The following ZNF609 variants were observed in gnomAD, a reference collection of about 807,000 sequenced individuals.
The protein encoded by ZNF609 is zinc finger protein 609.
In ZNF609, 11 loss-of-function variants were observed where a neutral mutation model predicts 109.5. The observed-to-expected ratio is 0.10, with a 90% CI of 0.06 to 0.17. The LOEUF (loss-of-function observed/expected upper bound fraction) is 0.17, where lower values mean the gene tolerates loss of function less well. Among genes scored for constraint, ZNF609 ranks in the 10% least tolerant of loss-of-function variants. The pLI, the probability that ZNF609 is intolerant of heterozygous loss-of-function variation, is 1.00. For synonymous variants in ZNF609, 646 were observed against 662.0 expected (o/e 0.98, Z 0.37); for missense variants, 1,559 against 1,772.4 (o/e 0.88, Z 2.16).
chr15:64,563,483 A>T (rs1894716810), intron 2 of ZNF609, among the ~76,000 whole-genome samples: 1 of 151,996 alleles, frequency 6.6e-6, no homozygotes, highest in Admixed American at 6.6e-5. Flanking sequence ...ATAACTGAAA[A>T]TTTAAAAGAT....
chr15:64,545,279 A>G (rs1260181052), intron 2 of ZNF609, among the ~76,000 whole-genome samples: 2 of 151,682 alleles, frequency 1.3e-5, no homozygotes, highest in African/African-American at 2.4e-5. Context: ...GCTCATTGCA[A>G]CCTTCGTCTC....
chr15:64,482,005 GA>G (rs1030495317), intron 1 of ZNF609, among the ~76,000 whole-genome samples: 1 of 151,968 alleles, frequency 6.6e-6, no homozygotes, highest in Admixed American at 6.6e-5. Context: ...GGCTGGTCTC[GA>G]ACTCCTGACT....
intron 2 of ZNF609, among the ~76,000 whole-genome samples, chr15:64,517,216 A>C (rs1893826268): frequency 6.6e-6 from 1 of 152,124 alleles, no homozygotes; most frequent in Non-Finnish European, 1.5e-5. Context: ...TGTCTACTAA[A>C]AAATACAAAA....
chr15:64,500,317 G>C, intron 2 of ZNF609, 151 bp downstream of exon 2: 1 of 1,101,762 alleles, frequency 9.1e-7, no homozygotes, highest in Non-Finnish European at 1.3e-6. Flanking sequence ...TGATAATGTG[G>C]TTTTCTTCCA....
At chr15:64,630,790 CTTTT>C (rs1567034497) in intron 3 of ZNF609, among the ~76,000 whole-genome samples, 1 of 150,890 alleles carries the variant, frequency 6.6e-6, no homozygotes, top group Non-Finnish European at 1.5e-5. Context: ...CTTTTGTTTT[CTTTT>C]TTGTTTGTTT....
intron 3 of ZNF609, among the ~76,000 whole-genome samples, chr15:64,666,991 G>T (rs1394689234): frequency 6.6e-6 from 1 of 152,132 alleles, no homozygotes; most frequent in Non-Finnish European, 1.5e-5. Flanking sequence ...TTAGCCGGGT[G>T]TGGTGATGTG....
At chr15:64,680,899 T>C (rs767200404) in intron 8 of ZNF609, 37 bp downstream of exon 8, 2 of 1,597,300 alleles carry the variant, frequency 1.3e-6, no homozygotes, top group Non-Finnish European at 8.5e-7. Context: ...TGTTTTGTCT[T>C]GTTTTGTTTT....
At chr15:64,611,045 A>G (rs1953830696) in intron 2 of ZNF609, among the ~76,000 whole-genome samples, 1 of 152,140 alleles carries the variant, frequency 6.6e-6, no homozygotes, top group South Asian at 2.1e-4. Flanking sequence ...TTAAAGGTAA[A>G]AGAGTGGAGT....
intron 3 of ZNF609, among the ~76,000 whole-genome samples, chr15:64,626,625 G>A (rs1895967237): frequency 6.6e-6 from 1 of 152,180 alleles, no homozygotes; most frequent in Non-Finnish European, 1.5e-5. Context: ...CCACCTTGCT[G>A]AGAACAGGTA....
intron 1 of ZNF609, among the ~76,000 whole-genome samples, chr15:64,464,897 T>C (rs1468589709): frequency 6.6e-6 from 1 of 152,184 alleles, no homozygotes; most frequent in Non-Finnish European, 1.5e-5. Flanking sequence ...TGGTCTTCCG[T>C]GGGTTAGATT....
chr15:64,525,722 A>C (rs995471137), intron 2 of ZNF609, among the ~76,000 whole-genome samples: 2 of 151,830 alleles, frequency 1.3e-5, no homozygotes, highest in African/African-American at 2.4e-5. Flanking sequence ...CTTTCCATTT[A>C]TTTATAACTT....
intron 2 of ZNF609, among the ~76,000 whole-genome samples, chr15:64,520,513 C>T (rs1264896442): frequency 2.6e-5 from 4 of 151,976 alleles, no homozygotes; most frequent in Non-Finnish European, 5.9e-5. Context: ...AGTAGAAAAC[C>T]AAAGGCAGTT....
intron 4 of ZNF609, 81 bp downstream of exon 4, chr15:64,670,514 T>G: frequency 8.5e-7 from 1 of 1,177,280 alleles, no homozygotes; most frequent in Non-Finnish European, 1.3e-6. Flanking sequence ...CCTGCTAGAG[T>G]TGTACATCCA....
chr15:64,500,710 T>C (rs1055959442), intron 2 of ZNF609: 4 of 416,580 alleles, frequency 9.6e-6, no homozygotes, highest in African/African-American at 2.0e-5. Context: ...GGGGCACATT[T>C]TGAGGGCAAG....
At chr15:64,472,861 AT>A (rs1486157468) in intron 1 of ZNF609, among the ~76,000 whole-genome samples, 1 of 152,178 alleles carries the variant, frequency 6.6e-6, no homozygotes, top group Non-Finnish European at 1.5e-5. Flanking sequence ...AATAAAAAAA[AT>A]AAAGACCAAG....
At chr15:64,520,172 G>A (rs1893871371) in intron 2 of ZNF609, among the ~76,000 whole-genome samples, 2 of 152,132 alleles carry the variant, frequency 1.3e-5, no homozygotes, top group Non-Finnish European at 2.9e-5. Flanking sequence ...GTACAGGAAG[G>A]TTTCTGGGTT....
At chr15:64,503,468 G>T (rs1040031195) in intron 2 of ZNF609, among the ~76,000 whole-genome samples, 1 of 152,184 alleles carries the variant, frequency 6.6e-6, no homozygotes, top group Non-Finnish European at 1.5e-5. Context: ...GCAGGCGCCT[G>T]TCTGAGTGTC....
Position 64,629,961 on chromosome 15 carries a change from C to T in ZNF609, c.973+6909C>T, listed in dbSNP as rs142780776. Among the ~76,000 whole-genome samples, 856 of 152,230 alleles carry T rather than the reference C, an allele frequency of 5.6e-3. 11 individuals are homozygous for T. Among genetic ancestry groups the T allele is most frequent in the African/African-American group, 0.02 (822 of 41,540 alleles). On this transcript the variant is annotated intron_variant, in intron 3 of 9. Coordinates refer to ENST00000326648, the MANE Select transcript of ZNF609 (RefSeq NM_015042.2). Reference sequence around the variant, plus strand: ...TGCCTAATACAGTTTCACTGATGAACATCAACAGAAACTGATTTATTAAAT... The same window carrying T: ...TGCCTAATACAGTTTCACTGATGAATATCAACAGAAACTGATTTATTAAAT...
At chr15:64,587,419 T>C (rs1409954320) in intron 2 of ZNF609, among the ~76,000 whole-genome samples, 1 of 152,210 alleles carries the variant, frequency 6.6e-6, no homozygotes, top group Non-Finnish European at 1.5e-5. Context: ...GTACATTTTT[T>C]TTCATAAATC....
Sources: gnomAD v4.1 joint callset for allele counts (sites outside exome capture counted in the v4.1 genomes callset) on GRCh38, gnomAD v4.1.1 for gene constraint, MANE v1.5 for transcripts, NCBI Gene and HGNC (gene_info 2026-07-23, HGNC 2026-07-21) for gene names.